The following SEMA4C variants were observed in gnomAD, a reference collection of about 807,000 sequenced individuals.
SEMA4C encodes semaphorin 4C.
Under a neutral mutation model 89.0 loss-of-function variants are expected in SEMA4C, and 19 were observed. The observed-to-expected ratio is 0.21, with a 90% CI of 0.15 to 0.31. The LOEUF (loss-of-function observed/expected upper bound fraction) is 0.31. SEMA4C is among the 10% of genes least tolerant of loss of function. The probability of loss-of-function intolerance (pLI) is 1.00; values close to 1 mark genes in which losing one functional copy is unlikely to be tolerated. For synonymous variants in SEMA4C, 428 were observed against 472.7 expected (o/e 0.91, Z 1.23); for missense variants, 811 against 1,107.0 (o/e 0.73, Z 3.79).
intron 3 of SEMA4C, 61 bp downstream of exon 3, chr2:96,866,221 AC>A: frequency 1.9e-6 from 3 of 1,542,386 alleles, no homozygotes; most frequent in Non-Finnish European, 2.6e-6. Flanking sequence ...CTAGCCAAGC[AC>A]AGCCCCTCTG....
Position 96,865,551 on chromosome 2 carries a change from G to A in SEMA4C, c.421-14C>T, listed in dbSNP as rs1197676159. On this transcript the variant is annotated splice_polypyrimidine_tract_variant and intron_variant, in intron 5 of 14. Transcript: ENST00000305476. ...GGTGAGCATGTTCTAAGGACAGAGA[G>A]AGAGGTGATGAGGAGATGCTTAAGG... 1 of 1,612,240 alleles carries A rather than the reference G, an allele frequency of 6.2e-7. No homozygotes were observed. The highest frequency in any genetic ancestry group is 1.3e-5 in the African/African-American group (1 of 74,884).
At chr2:96,865,983 G>C in intron 3 of SEMA4C, 54 bp from the exon 4 acceptor site, 1 of 1,568,586 alleles carries the variant, frequency 6.4e-7, no homozygotes, top group Non-Finnish European at 8.8e-7. Flanking sequence ...CTGAGCACGT[G>C]TCACAAGCAC....
chr2:96,864,307 C>T lies in SEMA4C; in HGVS notation c.1038G>A (p.Lys346=), dbSNP rs2080019563. 1.2e-6 allele frequency: 2 copies of T among 1,614,026 alleles called. No individual in the cohort carries two copies. Among genetic ancestry groups the T allele is most frequent in the South Asian group, 1.1e-5 (1 of 91,076 alleles). Residue 346 remains lysine (K), a synonymous_variant, in exon 10 of 15, where the codon AAG becomes AAA. Coordinates refer to ENST00000305476, the MANE Select transcript of SEMA4C (RefSeq NM_017789.5). The surrounding 1 kb of genome is among the most constrained non-coding windows in gnomAD (Gnocchi z 6.3). Reference sequence around the variant, plus strand: ...ACTTCTGGGCTTCCTCATGGTACTCCTTATAGGGGCCCTCAAACACCCGCT... The same window carrying T: ...ACTTCTGGGCTTCCTCATGGTACTCTTTATAGGGGCCCTCAAACACCCGCT... ...EIQRVFEGPY[K]EYHEEAQKWD... is the part of the protein sequence containing the mutation.
At position 96,861,953 on chromosome 2, in the gene SEMA4C, G is replaced by T; in HGVS notation, c.1444-59C>A. The T allele has an allele frequency of 6.5e-7, 1 of 1,535,458 alleles. No homozygotes were observed. Among genetic ancestry groups the T allele is most frequent in the Non-Finnish European group, 8.8e-7 (1 of 1,139,810 alleles). Reference sequence around the variant, plus strand: ...GCCAGGGCCACACCACGGGAGGGGCGGCCGGACCAGAACGCAGCATGGGGA... The same window carrying T: ...GCCAGGGCCACACCACGGGAGGGGCTGCCGGACCAGAACGCAGCATGGGGA... On this transcript the variant is annotated intron_variant, in intron 12 of 14. Transcript: ENST00000305476. This position sits in a 1 kb window ranked among gnomAD's most constrained non-coding sequence, Gnocchi z 7.8.
intron 12 of SEMA4C, 159 bp downstream of exon 12, chr2:96,863,523 G>T (rs1360597606): frequency 1.2e-6 from 1 of 833,444 alleles, no homozygotes; most frequent in African/African-American, 1.8e-5. Context: ...TCGTTTCCAG[G>T]AACCCACCCC....
intron 12 of SEMA4C, chr2:96,863,235 A>AC: frequency 1.0e-6 from 1 of 998,478 alleles, no homozygotes; most frequent in Non-Finnish European, 1.2e-6. Flanking sequence ...AGAGTATTGC[A>AC]CAAGGGTATA....
intron 2 of SEMA4C, 127 bp from the exon 3 acceptor site, chr2:96,866,558 A>C: frequency 7.5e-7 from 1 of 1,333,158 alleles, no homozygotes; most frequent in Non-Finnish European, 1.1e-6. Flanking sequence ...ATTGGCAATA[A>C]AGGACACTTT....
chr2:96,868,767 AG>A, intron 1 of SEMA4C: 2 of 984,230 alleles, frequency 2.0e-6, no homozygotes, highest in Non-Finnish European at 2.4e-6. Flanking sequence ...CGGGGACGCG[AG>A]GGGGTTCCTC....
chr2:96,870,580 G>T (rs1301133600), upstream of SEMA4C: 3 of 985,364 alleles, frequency 3.0e-6, no homozygotes, highest in Non-Finnish European at 3.6e-6. Flanking sequence ...CTCTTTCTAG[G>T]CCCCGAGGAC....
At position 96,860,317 on chromosome 2, in the gene SEMA4C, CAT is replaced by C. The variant is rs370536850; in HGVS notation, c.*307_*308del. Reference sequence around the variant, plus strand: ...ACACACATACACACACACACAAACACATGTGCAAATACAGACAAACACACATC... The same window carrying C: ...ACACACATACACACACACACAAACACGTGCAAATACAGACAAACACACATC... On this transcript the variant is annotated 3_prime_UTR_variant, in exon 15 of 15. Transcript: ENST00000305476. The C allele has an allele frequency of 4.9e-4, 210 of 428,404 alleles. 1 individual carries two copies. Among genetic ancestry groups the C allele is most frequent in the East Asian group, 2.0e-3 (53 of 26,110 alleles). 26.5% of individuals were successfully genotyped at this position (428,404 alleles called of 1,614,324 possible).
In SEMA4C at chr2:96,865,768, G is replaced by A; in HGVS notation, c.322-4C>T. 1 of 1,614,146 alleles carries A rather than the reference G, an allele frequency of 6.2e-7. No homozygotes were observed. Among genetic ancestry groups the A allele is most frequent in the Middle Eastern group, 1.6e-4 (1 of 6,062 alleles). On this transcript the variant is annotated splice_polypyrimidine_tract_variant and splice_region_variant and intron_variant, in intron 4 of 14. Transcript: ENST00000305476. ...GGATGAAGTTGAAGCACTCGGTCTGGGGGCAGAAAGGTGTCCGGTTAGTGA... is the reference window on the plus strand; with the variant it reads ...GGATGAAGTTGAAGCACTCGGTCTGAGGGCAGAAAGGTGTCCGGTTAGTGA...
intron 1 of SEMA4C, chr2:96,868,906 C>T: frequency 6.1e-6 from 6 of 985,388 alleles, no homozygotes; most frequent in Non-Finnish European, 7.2e-6. Flanking sequence ...GATTGGCTTC[C>T]CCTGCTCCAG....
intron 1 of SEMA4C, 136 bp from the exon 2 acceptor site, chr2:96,868,059 G>A: frequency 8.1e-7 from 1 of 1,235,034 alleles, no homozygotes; most frequent in South Asian, 1.5e-5. Context: ...TCTCTTTGGA[G>A]GTGGACCTAA....
chr2:96,867,800 C>G lies in SEMA4C; in HGVS notation c.87G>C (p.Pro29=). The change falls in exon 2 of 15, where the codon CCG becomes CCC. Residue 29 remains proline (P), a synonymous_variant. Transcript: ENST00000305476. ...CACCCCCAGAAGACACTGTCTTACG[C>G]GGCACAAGGTTCCACCACACCTCAG... ...IGAEVWWNLV[P]RKTVSSGELA... 1 of 1,613,458 alleles carries G rather than the reference C, an allele frequency of 6.2e-7. No individual in the cohort carries two copies. The highest frequency in any genetic ancestry group is 1.7e-5 in the Admixed American group (1 of 59,870).
Position 96,865,302 on chromosome 2 carries a change from G to A in SEMA4C, c.536C>T (p.Ala179Val). Reference protein sequence around the residue: ...GLLVDGELYSATLNNFLGTEP... With the variant: ...GLLVDGELYSVTLNNFLGTEP... ...CGTGCCCAGGAAGTTGTTGAGTGTG[G>A]CCGAGTACAGCTCACCATCTATGGG... Residue 179 changes from alanine (A) to valine (V), a missense_variant, in exon 7 of 15, where the codon GCC (alanine) becomes GTC (valine). Ala to Val is a moderately conservative substitution (Grantham distance 64). This residue lies in a region of SEMA4C where 441 missense variants were observed against 664.9 expected (regional missense o/e 0.66). Coordinates refer to ENST00000305476, the MANE Select transcript of SEMA4C (RefSeq NM_017789.5). 1 of 1,614,242 alleles carries A rather than the reference G, an allele frequency of 6.2e-7. No individual in the cohort carries two copies. The highest frequency in any genetic ancestry group is 8.5e-7 in the Non-Finnish European group (1 of 1,180,042).
chr2:96,861,028 A>C lies in SEMA4C; in HGVS notation c.2100T>G (p.Ala700=). 6.2e-7 allele frequency: 1 copy of C among 1,612,902 alleles called. No individual in the cohort carries two copies. Among genetic ancestry groups the C allele is most frequent in the South Asian group, 1.1e-5 (1 of 91,088 alleles). Residue 700 remains alanine, a synonymous_variant, in exon 15 of 15, where the codon GCT becomes GCG. Coordinates refer to ENST00000305476, the MANE Select transcript of SEMA4C (RefSeq NM_017789.5). This position sits in a 1 kb window ranked among gnomAD's most constrained non-coding sequence, Gnocchi z 7.8. ...LREELEKGAK[A]TERTLVYPLE... is the part of the protein sequence containing the mutation. ...GGGGGTACACCAAGGTCCTCTCAGT[A>C]GCCTTGGCCCCTTTCTCCAGCTCTT...
At chr2:96,866,579 T>A in intron 2 of SEMA4C, 148 bp from the exon 3 acceptor site, 1 of 1,164,938 alleles carries the variant, frequency 8.6e-7, no homozygotes, top group Non-Finnish European at 1.3e-6. Context: ...TGAAACAGCC[T>A]TTGGCCCTGA....
chr2:96,865,635 G>A (rs755293989), intron 5 of SEMA4C, 31 bp downstream of exon 5: 11 of 1,603,068 alleles, frequency 6.9e-6, no homozygotes, highest in Admixed American at 1.7e-5. Context: ...GCGGGGGGCT[G>A]GGGACACCGA....
Position 96,865,970 on chromosome 2 carries a change from G to A in SEMA4C, c.259-41C>T, listed in dbSNP as rs752427108. On this transcript the variant is annotated intron_variant, in intron 3 of 14. Coordinates refer to ENST00000305476, the MANE Select transcript of SEMA4C (RefSeq NM_017789.5). ...GGGATGTCAGCCACGTTACAGGTAC[G>A]GACTGAGCACGTGTCACAAGCACAG... The A allele has an allele frequency of 1.4e-5, 23 of 1,595,896 alleles. No homozygotes were observed. In the East Asian group the frequency reaches 1.6e-4, roughly 11 times the overall value.
Sources: gnomAD v4.1 joint callset for allele counts on GRCh38, gnomAD v4.1.1 for gene constraint, gnomAD v4.1.1 regional missense constraint, Gnocchi (gnomAD v3.1) non-coding constraint, MANE v1.5 for transcripts, NCBI Gene and HGNC (gene_info 2026-07-23, HGNC 2026-07-21) for gene names.